The following CCDC148 variants were observed in gnomAD, a reference collection of about 807,000 sequenced individuals.
CCDC148 encodes the protein coiled-coil domain-containing protein 148.
A neutral mutation model predicts 85.7 loss-of-function variants in CCDC148; 89 were observed. That is an observed-to-expected ratio of 1.04 (90% CI 0.87 to 1.24). The LOEUF (loss-of-function observed/expected upper bound fraction) is 1.24. CCDC148 is among the 50% of genes most tolerant of loss of function. The pLI is 0.00. For missense variants in CCDC148, 692 were observed against 671.7 expected (o/e 1.03, Z -0.33); for synonymous variants, 230 against 213.9 (o/e 1.08, Z -0.66).
intron 9 of CCDC148, among the ~76,000 whole-genome samples, chr2:158,301,538 G>C (rs928810934): frequency 6.6e-6 from 1 of 152,190 alleles, no homozygotes; most frequent in Non-Finnish European, 1.5e-5. Context: ...AGCATATCAG[G>C]GTAGGCGGAA....
In CCDC148 at chr2:158,424,028, C is replaced by T. The variant is rs183192641; in HGVS notation, c.25+32387G>A. The stretch of plus-strand genomic sequence containing the variant: ...AAAACCACAATGAGATACTATCTCA[C>T]ACCAGTTAGAATGGTGATCATTAAA... On this transcript the variant is annotated intron_variant, in intron 1 of 13. Transcript: ENST00000283233. 6.9e-3 allele frequency among the ~76,000 whole-genome samples: 1,045 copies of T among 152,302 alleles called. 16 individuals are homozygous for T. Among genetic ancestry groups the T allele is most frequent in the African/African-American group, 0.023 (944 of 41,566 alleles).
chr2:158,265,406 T>C (rs565250811), intron 9 of CCDC148, among the ~76,000 whole-genome samples: 1 of 152,228 alleles, frequency 6.6e-6, no homozygotes, highest in African/African-American at 2.4e-5. Flanking sequence ...AGTCAGTTTT[T>C]TCATACGTGT....
chr2:158,456,160 G>T (rs967290871), intron 1 of CCDC148, among the ~76,000 whole-genome samples: 3 of 152,166 alleles, frequency 2.0e-5, no homozygotes, highest in Non-Finnish European at 4.4e-5. Flanking sequence ...GAGAATCAGG[G>T]AACAGGCTAG....
intron 11 of CCDC148, among the ~76,000 whole-genome samples, chr2:158,199,045 G>T (rs1416229918): frequency 6.6e-6 from 1 of 152,068 alleles, no homozygotes; most frequent in Non-Finnish European, 1.5e-5. Flanking sequence ...CTGCTTGAAA[G>T]GTATGTATAG....
chr2:158,322,766 A>C (rs1692578220), intron 7 of CCDC148, among the ~76,000 whole-genome samples: 1 of 152,144 alleles, frequency 6.6e-6, no homozygotes. Flanking sequence ...AGCAATGTAC[A>C]TACAGAGGAG....
At chr2:158,304,599 C>CA (rs1296901144) in intron 9 of CCDC148, among the ~76,000 whole-genome samples, 4 of 151,956 alleles carry the variant, frequency 2.6e-5, no homozygotes, top group Non-Finnish European at 5.9e-5. Flanking sequence ...AAATAGGGCA[C>CA]AAAAAAGATT....
chr2:158,193,320 G>A (rs1685505352), intron 11 of CCDC148, among the ~76,000 whole-genome samples: 1 of 152,050 alleles, frequency 6.6e-6, no homozygotes, highest in Non-Finnish European at 1.5e-5. Flanking sequence ...GCATAATTGT[G>A]AACAGAGACA....
intron 1 of CCDC148, among the ~76,000 whole-genome samples, chr2:158,409,749 G>T (rs1210001948): frequency 2.6e-5 from 4 of 152,166 alleles, no homozygotes; most frequent in African/African-American, 9.7e-5. Context: ...TTTGGCAGGG[G>T]ACAGGGGCAG....
chr2:158,331,205 T>G (rs1693092174), intron 7 of CCDC148, among the ~76,000 whole-genome samples: 2 of 151,988 alleles, frequency 1.3e-5, no homozygotes, highest in African/African-American at 2.4e-5. Flanking sequence ...TCTGGTAGGT[T>G]GTCTTTGTTC....
Position 158,220,650 on chromosome 2 carries a change from G to A in CCDC148, c.1315C>T (p.Arg439Cys), listed in dbSNP as rs549719274. 9.4e-6 allele frequency: 15 copies of A among 1,596,322 alleles called. No homozygotes were observed. The highest frequency in any genetic ancestry group is 4.6e-5 in the South Asian group (4 of 86,592). ...ATTAATTTCTTCAGTTCTTCTAGAC[G>A]CTGAAGATCTCTCATTTCCATTTCT... ...WQEMEMRDLQ[R>C]LEELKKLIAE... Residue 439 changes from arginine to cysteine, a missense_variant, in exon 11 of 14, where the codon CGT becomes TGT. Arg to Cys is a radical substitution (Grantham distance 180). Transcript: ENST00000283233.
chr2:158,276,859 A>T (rs1443945021), intron 9 of CCDC148, among the ~76,000 whole-genome samples: 2 of 152,228 alleles, frequency 1.3e-5, no homozygotes, highest in South Asian at 2.1e-4. Flanking sequence ...TTTGTTCTAG[A>T]ATATGTATGC....
At chr2:158,173,819 T>C (rs1427093693) in intron 13 of CCDC148, among the ~76,000 whole-genome samples, 1 of 152,066 alleles carries the variant, frequency 6.6e-6, no homozygotes, top group Non-Finnish European at 1.5e-5. Flanking sequence ...CTGTATGCCA[T>C]TGACTCCCAA....
intron 7 of CCDC148, among the ~76,000 whole-genome samples, chr2:158,328,334 G>C (rs1692898656): frequency 6.6e-6 from 1 of 152,082 alleles, no homozygotes; most frequent in South Asian, 2.1e-4. Flanking sequence ...CCCTACAAAG[G>C]ACATGAACTC....
In CCDC148 at chr2:158,406,613, C is replaced by CTTTTTTTTTCTGTTTTTTTT. The variant is rs1559124447; in HGVS notation, c.26-48044_26-48043insAAAAAAAACAGAAAAAAAAA. Among the ~76,000 whole-genome samples, 17 of 31,424 alleles carry CTTTTTTTTTCTGTTTTTTTT rather than the reference C, an allele frequency of 5.4e-4. 2 individuals are homozygous for CTTTTTTTTTCTGTTTTTTTT. The highest frequency in any genetic ancestry group is 9.4e-4 in the Admixed American group (2 of 2,130). 20.6% of individuals were successfully genotyped at this position (31,424 alleles called of 152,430 possible). A position where few individuals can be genotyped will look rare whatever the true frequency, so the allele number is the denominator to read the frequency against. The stretch of plus-strand genomic sequence containing the variant: ...ACAGCCAGTTAAACAGATTAAATTT[C>CTTTTTTTTTCTGTTTTTTTT]TTTTTTTTTTTTTTTTTTTTTTTTT... On this transcript the variant is annotated intron_variant, in intron 1 of 13. Coordinates refer to ENST00000283233, the MANE Select transcript of CCDC148 (RefSeq NM_138803.4).
chr2:158,312,282 T>C (rs1302654511), intron 8 of CCDC148, among the ~76,000 whole-genome samples: 2 of 152,162 alleles, frequency 1.3e-5, no homozygotes, highest in Non-Finnish European at 2.9e-5. Flanking sequence ...CTTTCAAACA[T>C]TAAGCATATA....
intron 2 of CCDC148, among the ~76,000 whole-genome samples, chr2:158,351,238 T>G (rs896024980): frequency 6.6e-6 from 1 of 152,206 alleles, no homozygotes; most frequent in African/African-American, 2.4e-5. Flanking sequence ...TAGCCCAAGA[T>G]GGCCGAATAG....
In CCDC148 at chr2:158,207,718, G is replaced by A. The variant is rs1686325919; in HGVS notation, c.1370+12877C>T. 4 of 152,122 alleles carry A rather than the reference G, an allele frequency of 2.6e-5. No individual in the cohort carries two copies. In the South Asian group the frequency reaches 8.3e-4, roughly 32 times the overall value. 9.4% of individuals were successfully genotyped at this position (152,122 alleles called of 1,614,324 possible). ...CAGATGAAATCCAAGGAATTCCTAG[G>A]ACACCTTATGGAATTGTATGCCAGG... On this transcript the variant is annotated intron_variant, in intron 11 of 13. Transcript: ENST00000283233.
At chr2:158,437,363 C>T (rs1215097725) in intron 1 of CCDC148, among the ~76,000 whole-genome samples, 2 of 152,118 alleles carry the variant, frequency 1.3e-5, no homozygotes, top group African/African-American at 4.8e-5. Context: ...ATAAACAGAA[C>T]CAAAGACAAA....
intron 1 of CCDC148, among the ~76,000 whole-genome samples, chr2:158,435,178 G>A (rs1317659653): frequency 1.3e-5 from 2 of 152,168 alleles, no homozygotes; most frequent in South Asian, 2.1e-4. Flanking sequence ...ATAATTGTCA[G>A]ATTCACCAAG....
Sources: allele counts gnomAD v4.1 joint callset (sites outside exome capture counted in the v4.1 genomes callset), GRCh38; gene constraint gnomAD v4.1.1; transcripts MANE v1.5; gene names NCBI Gene and HGNC (gene_info 2026-07-23, HGNC 2026-07-21).